SAMD3: variants seen among roughly 807,000 people sequenced by gnomAD.
SAMD3 encodes sterile alpha motif domain containing 3.
In SAMD3, 63 loss-of-function variants were observed where a neutral mutation model predicts 58.5. The observed-to-expected ratio is 1.08, with a 90% CI of 0.88 to 1.33. The LOEUF (loss-of-function observed/expected upper bound fraction) is 1.33, where lower values mean the gene tolerates loss of function less well. Ranked by LOEUF, SAMD3 falls within the 40% of genes most tolerant of loss-of-function variation. The probability of loss-of-function intolerance (pLI) is 0.00; values close to 1 mark genes in which losing one functional copy is unlikely to be tolerated. For synonymous variants in SAMD3, 220 were observed against 210.3 expected, an observed-to-expected ratio of 1.05 and a Z score of -0.40; for missense variants, 604 against 608.4, an observed-to-expected ratio of 0.99 and a Z score of 0.08.
intron 10 of SAMD3, among the ~76,000 whole-genome samples, chr6:130,145,653 G>A (rs1161938217): frequency 6.6e-6 from 1 of 152,102 alleles, no homozygotes; most frequent in Non-Finnish European, 1.5e-5. Flanking sequence ...TGTACTGTCT[G>A]TCCATCAGCC....
intron 1 of SAMD3, among the ~76,000 whole-genome samples, chr6:130,339,020 G>A (rs923671263): frequency 6.6e-6 from 1 of 151,998 alleles, no homozygotes; most frequent in South Asian, 2.1e-4. Flanking sequence ...CTCTGGCTCT[G>A]TGTCCCTACC....
At chr6:130,145,966 A>C (rs1788584096) in intron 10 of SAMD3, 44 bp downstream of exon 10, 1 of 1,216,040 alleles carries the variant, frequency 8.2e-7, no homozygotes, top group Non-Finnish European at 1.1e-6. Context: ...AGATATTCTG[A>C]TAAATAACAG....
chr6:130,344,439 C>T (rs992300314), intron 1 of SAMD3, among the ~76,000 whole-genome samples: 10 of 152,070 alleles, frequency 6.6e-5, no homozygotes, highest in African/African-American at 9.7e-5. Context: ...TGGAGTGCAG[C>T]GATGTGATTT....
intron 5 of SAMD3, among the ~76,000 whole-genome samples, chr6:130,197,529 C>T (rs1794252580): frequency 6.6e-6 from 1 of 152,170 alleles, no homozygotes; most frequent in Non-Finnish European, 1.5e-5. Flanking sequence ...TTCTCCTTCT[C>T]TCATTCCATT....
chr6:130,274,442 C>G (rs899927791), intron 2 of SAMD3, among the ~76,000 whole-genome samples: 1 of 152,128 alleles, frequency 6.6e-6, no homozygotes, highest in African/African-American at 2.4e-5. Flanking sequence ...ATAGGATGTC[C>G]TTCCATATTT....
chr6:130,210,281 T>C (rs1795421654), intron 4 of SAMD3, among the ~76,000 whole-genome samples: 1 of 152,200 alleles, frequency 6.6e-6, no homozygotes, highest in Non-Finnish European at 1.5e-5. Flanking sequence ...CCTGCCCAGA[T>C]GTTGCCTACA....
intron 3 of SAMD3, among the ~76,000 whole-genome samples, chr6:130,214,747 A>C (rs1795885381): frequency 6.6e-6 from 1 of 152,120 alleles, no homozygotes; most frequent in South Asian, 2.1e-4. Context: ...TCACAATAAA[A>C]ACTTATTATT....
At chr6:130,296,292 A>T (rs1333350944) in intron 2 of SAMD3, among the ~76,000 whole-genome samples, 2 of 152,114 alleles carry the variant, frequency 1.3e-5, no homozygotes, top group African/African-American at 4.8e-5. Context: ...TGGAGTGCCT[A>T]TGGGAAGGAG....
intron 2 of SAMD3, among the ~76,000 whole-genome samples, chr6:130,269,148 G>A (rs1774466749): frequency 6.6e-6 from 1 of 152,092 alleles, no homozygotes; most frequent in Non-Finnish European, 1.5e-5. Context: ...TGAAGTTTAG[G>A]TTGAGGTTCT....
chr6:130,154,368 C>T (rs553570792), intron 9 of SAMD3, among the ~76,000 whole-genome samples: 16 of 151,958 alleles, frequency 1.1e-4, no homozygotes, highest in African/African-American at 3.6e-4. Context: ...GAGATTCACC[C>T]CCACTGTCTT....
At chr6:130,283,323 G>A (rs1282113214) in intron 2 of SAMD3, among the ~76,000 whole-genome samples, 1 of 152,128 alleles carries the variant, frequency 6.6e-6, no homozygotes, top group East Asian at 1.9e-4. Context: ...AGAAGAGGGA[G>A]AAGTAATATG....
At chr6:130,151,391 T>G (rs1230977744) in intron 9 of SAMD3, among the ~76,000 whole-genome samples, 1 of 152,168 alleles carries the variant, frequency 6.6e-6, no homozygotes, top group Non-Finnish European at 1.5e-5. Context: ...CCAGTACCAG[T>G]TACTCCATTT....
chr6:130,268,408 C>T lies in SAMD3; in HGVS notation c.-188+44570G>A, dbSNP rs74297819. ...TAATATATTGTTGAAGAAAGAAATG[C>T]TTTTAAAAATAATTTTAGTGTAGCC... On this transcript the variant is annotated intron_variant, in intron 2 of 13. Coordinates refer to the SAMD3 transcript ENST00000368134. 9.0e-3 allele frequency among the ~76,000 whole-genome samples: 1,368 copies of T among 152,000 alleles called. 103 individuals are homozygous for T. The East Asian group carries it at 0.16, about 18-fold the overall frequency.
At chr6:130,337,759 G>A (rs1237990559) in intron 1 of SAMD3, among the ~76,000 whole-genome samples, 2 of 152,216 alleles carry the variant, frequency 1.3e-5, no homozygotes, top group Non-Finnish European at 2.9e-5. Flanking sequence ...TTAACAAAGA[G>A]ACTGGTGGCA....
intron 5 of SAMD3, among the ~76,000 whole-genome samples, chr6:130,204,596 C>CG (rs1554261861): frequency 7.2e-6 from 1 of 138,608 alleles, no homozygotes; most frequent in Non-Finnish European, 1.5e-5. Flanking sequence ...GACCCTATCT[C>CG]AAAAAAAGAA....
At chr6:130,317,062 A>G (rs1776401127) in intron 1 of SAMD3, among the ~76,000 whole-genome samples, 1 of 152,180 alleles carries the variant, frequency 6.6e-6, no homozygotes. Flanking sequence ...ATGCAGATGG[A>G]CCAGTGAGAA....
At chr6:130,221,109 C>T (rs1341999213) in intron 1 of SAMD3, among the ~76,000 whole-genome samples, 1 of 152,146 alleles carries the variant, frequency 6.6e-6, no homozygotes, top group African/African-American at 2.4e-5. Context: ...CCACCTTGGC[C>T]TCCCAAAGTG....
At chr6:130,258,789 A>G (rs1774012098) in intron 2 of SAMD3, among the ~76,000 whole-genome samples, 1 of 152,052 alleles carries the variant, frequency 6.6e-6, no homozygotes, top group Non-Finnish European at 1.5e-5. Flanking sequence ...TAAATTAGGG[A>G]TTGTTGTGGT....
At chr6:130,331,452 G>A (rs759134358) in intron 1 of SAMD3, among the ~76,000 whole-genome samples, 1 of 152,228 alleles carries the variant, frequency 6.6e-6, no homozygotes, top group Non-Finnish European at 1.5e-5. Context: ...GCTGGGTGCA[G>A]TGGCTCACAT....
Sources: gnomAD v4.1 joint callset for allele counts (sites outside exome capture counted in the v4.1 genomes callset) on GRCh38, gnomAD v4.1.1 for gene constraint, MANE v1.5 for transcripts, NCBI Gene and HGNC (gene_info 2026-07-23, HGNC 2026-07-21) for gene names.